XKR3: variants seen among roughly 807,000 people sequenced by gnomAD.
The protein encoded by XKR3 is XK related 3.
In XKR3, 27 loss-of-function variants were observed where a neutral mutation model predicts 40.3. The ratio of observed to expected loss-of-function variants is 0.67; its 90% CI spans 0.49 to 0.92. The LOEUF (loss-of-function observed/expected upper bound fraction) is 0.92, where lower values mean the gene tolerates loss of function less well. XKR3 is among the 40% of genes least tolerant of loss of function. The pLI, the probability that XKR3 is intolerant of heterozygous loss-of-function variation, is 0.00. For missense variants in XKR3, 472 were observed against 537.6 expected (o/e 0.88, Z 1.21); for synonymous variants, 193 against 195.4 (o/e 0.99, Z 0.10).
chr22:16,784,356 T>G lies in XKR3; in HGVS notation c.643A>C (p.Asn215His). The G allele has an allele frequency of 6.2e-7, 1 of 1,613,308 alleles. No homozygotes were observed. Among genetic ancestry groups the G allele is most frequent in the Non-Finnish European group, 8.5e-7 (1 of 1,179,754 alleles). ...LSVTYGAIRCNILAIQISNDD... is the reference protein window; with the variant it reads ...LSVTYGAIRCHILAIQISNDD... ...TTGCTGATCTGGATGGCCAGTATAT[T>G]GCAGCGAATGGCCCCATAAGTAACT... The change falls in exon 4 of 4, where the codon AAT becomes CAT. Residue 215 changes from asparagine to histidine, a missense_variant. Coordinates refer to ENST00000684488, the MANE Select transcript of XKR3 (RefSeq NM_001386955.1).
intron 1 of XKR3, among the ~76,000 whole-genome samples, chr22:16,813,246 T>G (rs1601850016): frequency 6.6e-6 from 1 of 151,678 alleles, no homozygotes; most frequent in African/African-American, 2.4e-5. Context: ...ATTGCACCAC[T>G]GCACTCCAGC....
intron 1 of XKR3, among the ~76,000 whole-genome samples, chr22:16,815,905 T>C (rs570140668): frequency 6.6e-6 from 1 of 152,114 alleles, no homozygotes; most frequent in African/African-American, 2.4e-5. Flanking sequence ...CACATTTTGA[T>C]ATTTCATATT....
At chr22:16,799,139 C>T (rs1330898133) in intron 3 of XKR3, among the ~76,000 whole-genome samples, 7 of 151,936 alleles carry the variant, frequency 4.6e-5, no homozygotes, top group East Asian at 1.9e-4. Flanking sequence ...TTTGGCTGGG[C>T]GCGGTGGCTC....
At chr22:16,817,291 T>TA (rs1482767553) in intron 1 of XKR3, among the ~76,000 whole-genome samples, 1 of 152,096 alleles carries the variant, frequency 6.6e-6, no homozygotes, top group Non-Finnish European at 1.5e-5. Flanking sequence ...TTCAACTTTT[T>TA]ATCCTTGAGT....
intron 3 of XKR3, among the ~76,000 whole-genome samples, chr22:16,797,910 A>G (rs1413616447): frequency 6.7e-6 from 1 of 149,488 alleles, no homozygotes; most frequent in Non-Finnish European, 1.5e-5. Context: ...GCAGTGGCTC[A>G]CCCCTATAAT....
At chr22:16,802,565 C>T (rs1477376414) in intron 2 of XKR3, among the ~76,000 whole-genome samples, 1 of 152,006 alleles carries the variant, frequency 6.6e-6, no homozygotes, top group Non-Finnish European at 1.5e-5. Context: ...TATTGGCTCA[C>T]TGCAACCTCT....
intron 1 of XKR3, among the ~76,000 whole-genome samples, chr22:16,817,990 A>G (rs1000659002): frequency 7.2e-5 from 11 of 152,084 alleles, no homozygotes; most frequent in Admixed American, 2.6e-4. Context: ...TTTTTTTCCA[A>G]AGTGTATGGC....
rs758348877 is a variant in XKR3, at chr22:16,783,954, TGTA to T, written c.1042_1044del (p.Tyr348del). The T allele has an allele frequency of 6.2e-7, 1 of 1,614,188 alleles. No individual in the cohort carries two copies. Among genetic ancestry groups the T allele is most frequent in the Non-Finnish European group, 8.5e-7 (1 of 1,180,034 alleles). ...ATCACATTTTCTAAAAACTGAAAGCTGTAGTGTAGGATTCTATGGCCCCACCTC... is the reference window on the plus strand; with the variant it reads ...ATCACATTTTCTAAAAACTGAAAGCTGTGTAGGATTCTATGGCCCCACCTC... On this transcript the variant is annotated inframe_deletion, in exon 4 of 4. Transcript: ENST00000684488.
rs377317149 is a variant in XKR3 at position 16,784,677 on chromosome 22, A to G, written c.590-268T>C. On this transcript the variant is annotated intron_variant, in intron 3 of 3. Coordinates refer to ENST00000684488, the MANE Select transcript of XKR3 (RefSeq NM_001386955.1). ...TATACATGTATATACACATTCCCTC[A>G]AAGAGAAGACTGGCACAGATAAAAT... Among the ~76,000 whole-genome samples, 4 of 152,358 alleles carry G rather than the reference A, an allele frequency of 2.6e-5. No homozygotes were observed. The East Asian group carries it at 7.7e-4, about 29-fold the overall frequency.
rs1463534829 is a variant in XKR3, at chr22:16,799,987, T to C, written c.373A>G (p.Lys125Glu). 5 of 1,614,046 alleles carry C rather than the reference T, an allele frequency of 3.1e-6. No homozygotes were observed. Among genetic ancestry groups the C allele is most frequent in the Non-Finnish European group, 4.2e-6 (5 of 1,180,022 alleles). ...HTIRNYHKWL[K>E]NLKQEKEETQ... The stretch of plus-strand genomic sequence containing the variant: ...TCTTCCTTCTCCTGTTTAAGATTTT[T>C]CAACCATTTGTGGTAATTTCTAATG... The change falls in exon 3 of 4, where the codon AAA becomes GAA. Residue 125 changes from lysine (K) to glutamate (E), a missense_variant. Coordinates refer to ENST00000684488, the MANE Select transcript of XKR3 (RefSeq NM_001386955.1).
intron 3 of XKR3, among the ~76,000 whole-genome samples, chr22:16,792,643 C>T (rs2060125254): frequency 1.3e-5 from 2 of 152,212 alleles, no homozygotes; most frequent in Admixed American, 1.3e-4. Flanking sequence ...ATTTGGCAAA[C>T]AACTTCTTAG....
chr22:16,822,706 T>G (rs2192431), intron 1 of XKR3, among the ~76,000 whole-genome samples: 23,591 of 152,064 alleles, frequency 0.16, 2,059 homozygotes, highest in East Asian at 0.39. Flanking sequence ...ATGGAAAATA[T>G]CAACTGATGC....
In XKR3 at chr22:16,810,657, A is replaced by G. The variant is rs577255475; in HGVS notation, c.-10-2574T>C. ...TCCCAAAGTTACAGGAAAGATCAAC[A>G]CTATTTATATATAGAATGTTGCCAT... is the stretch of plus-strand genomic sequence containing the variant. On this transcript the variant is annotated intron_variant, in intron 1 of 3. Coordinates refer to ENST00000684488, the MANE Select transcript of XKR3 (RefSeq NM_001386955.1). Among the ~76,000 whole-genome samples, 14 of 152,338 alleles carry G rather than the reference A, an allele frequency of 9.2e-5. No individual in the cohort carries two copies. In the South Asian group the frequency reaches 2.7e-3, roughly 29 times the overall value.
chr22:16,784,892 T>C (rs1174404499), intron 3 of XKR3, among the ~76,000 whole-genome samples: 2 of 152,208 alleles, frequency 1.3e-5, no homozygotes, highest in African/African-American at 4.8e-5. Context: ...TTTTAGACTA[T>C]GGTGGTAACA....
intron 3 of XKR3, among the ~76,000 whole-genome samples, chr22:16,794,801 G>GTT (rs1366414471): frequency 6.6e-6 from 1 of 152,108 alleles, no homozygotes; most frequent in Non-Finnish European, 1.5e-5. Context: ...CACATCCAAT[G>GTT]ACACCTGTAC....
chr22:16,798,524 T>C (rs1265635842), intron 3 of XKR3, among the ~76,000 whole-genome samples: 1 of 152,202 alleles, frequency 6.6e-6, no homozygotes, highest in Non-Finnish European at 1.5e-5. Flanking sequence ...CATACAGTCA[T>C]ATGTTCATTG....
Position 16,784,228 on chromosome 22 carries a change from A to G in XKR3, c.771T>C (p.Ile257=), listed in dbSNP as rs2060079478. 4 of 1,614,200 alleles carry G rather than the reference A, an allele frequency of 2.5e-6. No homozygotes were observed. In the East Asian group the frequency reaches 8.9e-5, roughly 36 times the overall value. Residue 257 remains isoleucine, a synonymous_variant, in exon 4 of 4, where the codon ATT becomes ATC. Coordinates refer to ENST00000684488, the MANE Select transcript of XKR3 (RefSeq NM_001386955.1). ...GTAGGCTCTTCAGTTTCAGAGATGC[A>G]ATGAAAAATGCCAGAGTCACTACAC... ...ISRVVTLAFF[I]ASLKLKSLPV...
intron 3 of XKR3, among the ~76,000 whole-genome samples, chr22:16,785,610 A>G (rs2060086996): frequency 6.6e-6 from 1 of 152,152 alleles, no homozygotes; most frequent in Admixed American, 6.5e-5. Flanking sequence ...CACACCTGTA[A>G]TCCCAGCACT....
intron 3 of XKR3, among the ~76,000 whole-genome samples, chr22:16,787,325 G>A (rs1381864150): frequency 6.6e-6 from 1 of 152,086 alleles, no homozygotes; most frequent in African/African-American, 2.4e-5. Flanking sequence ...TTGGGAGGCG[G>A]AGGCGGGTGG....
Sources: gnomAD v4.1 joint callset for allele counts (sites outside exome capture counted in the v4.1 genomes callset) on GRCh38, gnomAD v4.1.1 for gene constraint, MANE v1.5 for transcripts, NCBI Gene and HGNC (gene_info 2026-07-23, HGNC 2026-07-21) for gene names.